ULK2: variants seen among roughly 807,000 people sequenced by gnomAD.
ULK2 encodes serine/threonine-protein kinase ULK2.
ULK2 carries 76 observed loss-of-function variants against 127.5 expected under a neutral mutation model. The observed-to-expected ratio is 0.60, with a 90% CI of 0.50 to 0.72. The LOEUF is 0.72. ULK2 is among the 30% of genes least tolerant of loss of function. ULK2 has a pLI of 0.00. For missense variants in ULK2, 1,144 were observed against 1,295.9 expected, an observed-to-expected ratio of 0.88 and a Z score of 1.80; for synonymous variants, 452 against 461.9, an observed-to-expected ratio of 0.98 and a Z score of 0.28.
rs759971355 is a variant in ULK2, at chr17:19,773,753, C to T, written c.*2596G>A. The T allele has an allele frequency of 2.6e-5, 4 of 152,212 alleles. No homozygotes were observed. Among genetic ancestry groups the T allele is most frequent in the African/African-American group, 4.8e-5 (2 of 41,406 alleles). The allele number at this position is 152,212 out of a possible 1,614,324, so 9.4% of individuals were successfully genotyped here. ...GCAGAAGGGGGCGTGGGGACCCAGA[C>T]ACTTAAGATGCATGGGTTTGGGGTA... is the stretch of plus-strand genomic sequence containing the variant. On this transcript the variant is annotated 3_prime_UTR_variant, in exon 27 of 27. Transcript: ENST00000395544.
At position 19,845,352 on chromosome 17, in the gene ULK2, T is replaced by A. The variant is rs1230459628; in HGVS notation, c.495A>T (p.Leu165=). The part of the protein sequence containing the change: ...KIADFGFARY[L]HSNMMAATLC... ...GTGTTGCAGCCATCATGTTACTATG[T>A]AGGTAACGAGCAAAACCAAAATCCG... Residue 165 remains leucine, a synonymous_variant, in exon 7 of 27, where the codon CTA becomes CTT. Coordinates refer to ENST00000395544, the MANE Select transcript of ULK2 (RefSeq NM_014683.4). 1 of 1,614,010 alleles carries A rather than the reference T, an allele frequency of 6.2e-7. No individual in the cohort carries two copies.
chr17:19,826,180 A>C lies in ULK2; in HGVS notation c.794T>G (p.Phe265Cys). ...TTGCTCAAGAAAAGGATGGCTAAAA[A>C]ATGCTTCTGTAACAAGAAATGAGAA... ...NQKDRMDFEA[F>C]FSHPFLEQGP... The change falls in exon 11 of 27, where the codon TTT (phenylalanine) becomes TGT (cysteine). Residue 265 changes from phenylalanine to cysteine, a missense_variant. Around this residue, in one of 2 missense-constraint regions of ULK2, gnomAD observed 913 missense variants for 970.5 expected, o/e 0.94. Coordinates refer to ENST00000395544, the MANE Select transcript of ULK2 (RefSeq NM_014683.4). 6.8e-7 allele frequency: 1 copy of C among 1,474,794 alleles called. No individual in the cohort carries two copies. Among genetic ancestry groups the C allele is most frequent in the Non-Finnish European group, 9.1e-7 (1 of 1,102,366 alleles). 91.4% of individuals were successfully genotyped at this position (1,474,794 alleles called of 1,614,324 possible).
chr17:19,856,977 C>CA (rs1157706276), intron 3 of ULK2, among the ~76,000 whole-genome samples: 1,963 of 21,002 alleles, frequency 0.093, 189 homozygotes, highest in Non-Finnish European at 0.16. Flanking sequence ...ACTCCATCTC[C>CA]AAAAAAAAAA....
chr17:19,829,548 A>AGGGGGGG (rs57054467), intron 10 of ULK2, among the ~76,000 whole-genome samples: 9 of 25,506 alleles, frequency 3.5e-4, no homozygotes, highest in Non-Finnish European at 6.1e-4. Flanking sequence ...GAAAAAAAAA[A>AGGGGGGG]GGGGGGGGGC....
intron 4 of ULK2, 148 bp from the exon 5 acceptor site, chr17:19,849,553 TTA>T: frequency 1.0e-6 from 1 of 957,684 alleles, no homozygotes; most frequent in Non-Finnish European, 1.5e-6. Context: ...TTTTTAAATT[TTA>T]TATTCCTTGA....
rs2087351252 is a variant in ULK2, at chr17:19,799,578, A to AG, written c.1442-4_1442-3insC. 1 of 1,393,924 alleles carries AG rather than the reference A, an allele frequency of 7.2e-7. No homozygotes were observed. Among genetic ancestry groups the AG allele is most frequent in the Non-Finnish European group, 9.3e-7 (1 of 1,078,982 alleles). The allele number at this position is 1,393,924 out of a possible 1,614,324, so 86.3% of individuals were successfully genotyped here. A position where few individuals can be genotyped will look rare whatever the true frequency, so the allele number is the denominator to read the frequency against. Reference sequence around the variant, plus strand: ...GAATTGCTCAGGAATGGTACCAACTACAAAAAAAAAAAAAAAAAAGATGGG... The same window carrying AG: ...GAATTGCTCAGGAATGGTACCAACTAGCAAAAAAAAAAAAAAAAAAGATGGG... On this transcript the variant is annotated splice_region_variant and splice_polypyrimidine_tract_variant and intron_variant, in intron 16 of 26. Transcript: ENST00000395544.
intron 21 of ULK2, among the ~76,000 whole-genome samples, chr17:19,784,713 A>G (rs2086992181): frequency 6.6e-6 from 1 of 151,486 alleles, no homozygotes; most frequent in Admixed American, 6.6e-5. Context: ...TTTTGTAGAG[A>G]TGGGGTTTCA....
At chr17:19,858,282 C>G (rs554740293) in intron 3 of ULK2, among the ~76,000 whole-genome samples, 7 of 152,004 alleles carry the variant, frequency 4.6e-5, no homozygotes, top group Non-Finnish European at 8.8e-5. Flanking sequence ...TGCCTGTAGT[C>G]CCAGATACTT....
chr17:19,780,981 C>T lies in ULK2; in HGVS notation c.2758+5G>A. On this transcript the variant is annotated splice_donor_5th_base_variant and intron_variant, in intron 24 of 26. Coordinates refer to ENST00000395544, the MANE Select transcript of ULK2 (RefSeq NM_014683.4). Reference sequence around the variant, plus strand: ...CCTGGAGTTACACGCTGCCTTCTCCCATACCTTGTTTCACAGCTGTGGATG... The same window carrying T: ...CCTGGAGTTACACGCTGCCTTCTCCTATACCTTGTTTCACAGCTGTGGATG... The T allele has an allele frequency of 6.2e-7, 1 of 1,613,774 alleles. No individual in the cohort carries two copies. Among genetic ancestry groups the T allele is most frequent in the Non-Finnish European group, 8.5e-7 (1 of 1,179,852 alleles).
At chr17:19,787,519 G>A (rs1323566192) in intron 20 of ULK2, among the ~76,000 whole-genome samples, 1 of 152,198 alleles carries the variant, frequency 6.6e-6, no homozygotes. Flanking sequence ...GAGTAAGGAA[G>A]TGACACCAGA....
intron 11 of ULK2, among the ~76,000 whole-genome samples, chr17:19,825,688 C>T (rs980916762): frequency 6.7e-6 from 1 of 149,980 alleles, no homozygotes; most frequent in Non-Finnish European, 1.5e-5. Context: ...AGCAAGACTC[C>T]GTTTAAAAAA....
intron 10 of ULK2, among the ~76,000 whole-genome samples, chr17:19,835,630 T>C (rs1003772279): frequency 4.7e-5 from 7 of 149,540 alleles, no homozygotes; most frequent in African/African-American, 1.7e-4. Context: ...GGCAGGAGAA[T>C]GGCATGAACC....
chr17:19,785,666 CTATAT>C (rs1488876651), intron 21 of ULK2, among the ~76,000 whole-genome samples: 2 of 151,818 alleles, frequency 1.3e-5, no homozygotes, highest in Non-Finnish European at 2.9e-5. Context: ...CATATTTATA[CTATAT>C]GTCATTTTGT....
At chr17:19,797,084 A>G (rs989991288) in intron 18 of ULK2, among the ~76,000 whole-genome samples, 2 of 152,194 alleles carry the variant, frequency 1.3e-5, no homozygotes, top group East Asian at 3.9e-4. Context: ...ACTTGAGGCC[A>G]GGAGTTAAAG....
At chr17:19,810,977 A>C (rs2087626955) in intron 13 of ULK2, 1 of 152,258 alleles carries the variant, frequency 6.6e-6, no homozygotes, top group South Asian at 2.1e-4. Flanking sequence ...ATGGAAGGCC[A>C]GGTGTGGTAG....
rs144993483 is a variant in ULK2 at position 19,781,091 on chromosome 17, G to A, written c.2653C>T (p.Leu885=). The A allele has an allele frequency of 1.2e-5, 20 of 1,611,752 alleles. No individual in the cohort carries two copies. The African/African-American group carries it at 2.4e-4, about 19-fold the overall frequency. Residue 885 remains leucine (L), a synonymous_variant, in exon 24 of 27, where the codon CTG becomes TTG. Transcript: ENST00000395544. ...TGTGCTGCTTTCATGTACAACACCA[G>A]CTGCTCCACCCGCCTGCACCCAAAA... ...LSKDWGRVEQ[L]VLYMKAAQLL... is the part of the protein sequence containing the mutation.
At chr17:19,853,414 A>AAC (rs760340813) in intron 3 of ULK2, among the ~76,000 whole-genome samples, 76 of 152,158 alleles carry the variant, frequency 5.0e-4, no homozygotes, top group South Asian at 6.2e-4. Context: ...CTGGGATTAC[A>AAC]AGCATGAGCC....
intron 15 of ULK2, 151 bp from the exon 16 acceptor site, chr17:19,802,073 T>G: frequency 1.2e-6 from 1 of 844,384 alleles, no homozygotes; most frequent in Non-Finnish European, 1.7e-6. Context: ...ATAAAAAGAG[T>G]GAGGTCTCCC....
chr17:19,780,218 C>T (rs1204118696), intron 25 of ULK2, among the ~76,000 whole-genome samples: 1 of 151,512 alleles, frequency 6.6e-6, no homozygotes, highest in Non-Finnish European at 1.5e-5. Context: ...ATGCCTAATG[C>T]CAGCAATGTT....
Sources: allele counts gnomAD v4.1 joint callset (sites outside exome capture counted in the v4.1 genomes callset), GRCh38; gene constraint gnomAD v4.1.1; regional missense constraint gnomAD v4.1.1; transcripts MANE v1.5; gene names NCBI Gene and HGNC (gene_info 2026-07-23, HGNC 2026-07-21).